PREX1: variants seen among roughly 807,000 people sequenced by gnomAD.
The protein encoded by PREX1 is phosphatidylinositol-3,4,5-trisphosphate dependent Rac exchange factor 1, also known as phosphatidylinositol 3,4,5-trisphosphate-dependent Rac exchanger 1 protein.
In PREX1, 41 loss-of-function variants were observed where a neutral mutation model predicts 198.3. The ratio of observed to expected loss-of-function variants is 0.21; its 90% confidence interval spans 0.16 to 0.27. The LOEUF is 0.27. PREX1 is among the 10% of genes least tolerant of loss of function. PREX1 has a pLI of 1.00. For missense variants in PREX1, 1,620 were observed against 2,200.7 expected (o/e 0.74, Z 5.28); for synonymous variants, 843 against 887.2 (o/e 0.95, Z 0.89).
chr20:48,787,376 A>G (rs6066859), intron 1 of PREX1, among the ~76,000 whole-genome samples: 94,807 of 151,414 alleles, frequency 0.63, 30,425 homozygotes, highest in African/African-American at 0.77. Flanking sequence ...AAACAAACAA[A>G]AAAAAAAAAG....
chr20:48,698,013 A>T (rs2089855731), intron 7 of PREX1, among the ~76,000 whole-genome samples: 1 of 152,158 alleles, frequency 6.6e-6, no homozygotes, highest in Admixed American at 6.5e-5. Context: ...TCAGGTGGGG[A>T]GATCCACCCA....
chr20:48,794,103 A>G (rs1008089418), intron 1 of PREX1, among the ~76,000 whole-genome samples: 1 of 152,074 alleles, frequency 6.6e-6, no homozygotes, highest in Non-Finnish European at 1.5e-5. Flanking sequence ...CCCCTTATGA[A>G]CACCCCCATA....
At chr20:48,773,639 C>T (rs1476367834) in intron 1 of PREX1, among the ~76,000 whole-genome samples, 1 of 152,136 alleles carries the variant, frequency 6.6e-6, no homozygotes, top group Admixed American at 6.5e-5. Flanking sequence ...GGAGTGAGCC[C>T]GGTGTGTTCA....
At chr20:48,679,114 C>T (rs528516493) in intron 13 of PREX1, among the ~76,000 whole-genome samples, 3 of 152,110 alleles carry the variant, frequency 2.0e-5, no homozygotes, top group Non-Finnish European at 4.4e-5. Flanking sequence ...CACACAGCTG[C>T]TAACTAGGAG....
At chr20:48,789,091 C>T (rs1275237021) in intron 1 of PREX1, among the ~76,000 whole-genome samples, 1 of 152,182 alleles carries the variant, frequency 6.6e-6, no homozygotes, top group East Asian at 1.9e-4. Context: ...GACACTCACT[C>T]ACACATTGAG....
chr20:48,649,123 G>T (rs2122888992), intron 25 of PREX1, among the ~76,000 whole-genome samples, 177 bp downstream of exon 25: 1 of 152,268 alleles, frequency 6.6e-6, no homozygotes. Flanking sequence ...TCACAATCAG[G>T]TGAGGGGGTG....
chr20:48,696,903 C>T (rs1306521100), intron 7 of PREX1, among the ~76,000 whole-genome samples: 1 of 151,806 alleles, frequency 6.6e-6, no homozygotes, highest in Admixed American at 6.6e-5. Context: ...GGCTTGTCTT[C>T]AGCTTGCAGA....
intron 6 of PREX1, among the ~76,000 whole-genome samples, chr20:48,705,067 A>G (rs2089896675): frequency 6.6e-6 from 1 of 152,196 alleles, no homozygotes; most frequent in South Asian, 2.1e-4. Context: ...CCTGACATGT[A>G]TTGGGCGTTT....
chr20:48,812,589 A>C (rs1281251392), intron 1 of PREX1, among the ~76,000 whole-genome samples: 1 of 152,096 alleles, frequency 6.6e-6, no homozygotes, highest in Non-Finnish European at 1.5e-5. Context: ...AGTATAGCTA[A>C]TATATATGGA....
At position 48,827,028 on chromosome 20, in the gene PREX1, G is replaced by A. The variant is rs1250148475; in HGVS notation, c.219+614C>T. Reference sequence around the variant, plus strand: ...AGGCCGTGGTTTTGCACTTGGAGATGGGGAGTTGGTGGGGGTGGATGCAGT... The same window carrying A: ...AGGCCGTGGTTTTGCACTTGGAGATAGGGAGTTGGTGGGGGTGGATGCAGT... On this transcript the variant is annotated intron_variant, in intron 1 of 39. Transcript: ENST00000371941. The surrounding 1 kb of genome is among the most constrained non-coding windows in gnomAD (Gnocchi z 4.1). Among the ~76,000 whole-genome samples the A allele has an allele frequency of 1.3e-5, 2 of 152,168 alleles. No homozygotes were observed. Among genetic ancestry groups the A allele is most frequent in the Non-Finnish European group, 2.9e-5 (2 of 68,026 alleles).
the PREX1 span, among the ~76,000 whole-genome samples, chr20:48,865,730 A>G: frequency 6.6e-6 from 1 of 151,388 alleles, no homozygotes; most frequent in Non-Finnish European, 1.5e-5. Context: ...TGTTGGAAAA[A>G]TTAAATAAAG....
chr20:48,756,346 G>T (rs61123208), intron 1 of PREX1, among the ~76,000 whole-genome samples: 5,177 of 152,280 alleles, frequency 0.034, 152 homozygotes, highest in African/African-American at 0.077. Flanking sequence ...AGAGCCACTG[G>T]CTCAGAACCA....
chr20:48,689,207 T>A (rs2089803355), intron 9 of PREX1, among the ~76,000 whole-genome samples: 1 of 152,166 alleles, frequency 6.6e-6, no homozygotes, highest in African/African-American at 2.4e-5. Context: ...AGCCCAGTGA[T>A]AAAAGTCTGG....
At chr20:48,660,132 C>A in intron 15 of PREX1, 71 bp from the exon 16 acceptor site, 1 of 1,586,334 alleles carries the variant, frequency 6.3e-7, no homozygotes. Flanking sequence ...TGCCAACTGG[C>A]AGGCACAGGC....
At chr20:48,856,572 T>C in the PREX1 span, among the ~76,000 whole-genome samples, 3 of 152,182 alleles carry the variant, frequency 2.0e-5, no homozygotes, top group African/African-American at 4.8e-5. Context: ...GGCTCAAGAC[T>C]GAAAAAATAC....
intron 1 of PREX1, among the ~76,000 whole-genome samples, chr20:48,785,653 C>T (rs764151991): frequency 6.6e-6 from 1 of 152,222 alleles, no homozygotes; most frequent in Non-Finnish European, 1.5e-5. Flanking sequence ...AAGTACCTGT[C>T]CCAGCTGGCC....
At position 48,652,623 on chromosome 20, in the gene PREX1, A is replaced by G; in HGVS notation, c.2430T>C (p.Ser810=). ...GGTCTTCCTCCTGGGCCTGCTCGCC[A>G]CTGGGGTCCTCAGTGGAGGCCTCCT... ...ASQEASTEDP[S]GEQAQEEDQA... The change falls in exon 21 of 40, where the codon AGT becomes AGC. Residue 810 remains serine, a synonymous_variant. Coordinates refer to ENST00000371941, the MANE Select transcript of PREX1 (RefSeq NM_020820.4). The G allele has an allele frequency of 1.1e-5, 17 of 1,613,452 alleles. No individual in the cohort carries two copies. Among genetic ancestry groups the G allele is most frequent in the Non-Finnish European group, 1.4e-5 (17 of 1,179,662 alleles).
intron 1 of PREX1, among the ~76,000 whole-genome samples, chr20:48,773,835 T>C (rs913359103): frequency 6.6e-6 from 1 of 152,146 alleles, no homozygotes; most frequent in African/African-American, 2.4e-5. Flanking sequence ...ACCTGAGTTC[T>C]TAAGGGGCCA....
chr20:48,885,374 T>C, the PREX1 span, among the ~76,000 whole-genome samples: 1 of 152,164 alleles, frequency 6.6e-6, no homozygotes, highest in African/African-American at 2.4e-5. Flanking sequence ...ATAGTAGAGC[T>C]TTGGTTTAAA....
Sources: allele counts gnomAD v4.1 joint callset (sites outside exome capture counted in the v4.1 genomes callset), GRCh38; gene constraint gnomAD v4.1.1; non-coding constraint Gnocchi (gnomAD v3.1); transcripts MANE v1.5; gene names NCBI Gene and HGNC (gene_info 2026-07-23, HGNC 2026-07-21).